Variants in RSRC1 observed in about 807,000 individuals in gnomAD.
RSRC1 encodes serine/Arginine-related protein 53.
RSRC1 carries 39 observed loss-of-function variants against 49.1 expected under a neutral mutation model. The ratio of observed to expected loss-of-function variants is 0.79; its 90% CI spans 0.61 to 1.04. The LOEUF is 1.04. Among genes scored for constraint, RSRC1 ranks in the 50% least tolerant of loss-of-function variants. The probability of loss-of-function intolerance (pLI) is 0.00; values close to 1 mark genes in which losing one functional copy is unlikely to be tolerated. For missense variants in RSRC1, 388 were observed against 402.4 expected (o/e 0.96, Z 0.31); for synonymous variants, 143 against 130.8 (o/e 1.09, Z -0.63).
chr3:158,281,273 G>C (rs1347809074), intron 4 of RSRC1, among the ~76,000 whole-genome samples: 1 of 151,918 alleles, frequency 6.6e-6, no homozygotes, highest in African/African-American at 2.4e-5. Flanking sequence ...TACTGAAAAG[G>C]ATCAGTTTTG....
chr3:158,112,043 G>C (rs1313775597), intron 1 of RSRC1, among the ~76,000 whole-genome samples: 1 of 152,132 alleles, frequency 6.6e-6, no homozygotes, highest in African/African-American at 2.4e-5. Context: ...GGGAGTTGTT[G>C]GGTGAGTTTT....
intron 3 of RSRC1, among the ~76,000 whole-genome samples, chr3:158,124,607 C>T (rs1385517746): frequency 3.3e-5 from 5 of 151,974 alleles, no homozygotes; most frequent in Admixed American, 6.6e-5. Flanking sequence ...GTTAGTTATA[C>T]GTCTGTTAAG....
chr3:158,303,643 G>T (rs1159199081), intron 5 of RSRC1: 1 of 152,134 alleles, frequency 6.6e-6, no homozygotes, highest in Non-Finnish European at 1.5e-5. Flanking sequence ...TGAAAGACAT[G>T]TGTCCAATGA....
intron 6 of RSRC1, among the ~76,000 whole-genome samples, chr3:158,423,860 T>C (rs979556495): frequency 0.01 from 1,557 of 151,362 alleles, 31 homozygotes; most frequent in African/African-American, 0.036. Flanking sequence ...AGTTCACTCA[T>C]GATTTGGCTC....
intron 4 of RSRC1, among the ~76,000 whole-genome samples, chr3:158,296,993 A>G (rs971372848): frequency 1.3e-5 from 2 of 152,096 alleles, no homozygotes; most frequent in Non-Finnish European, 2.9e-5. Flanking sequence ...TGGCAAAGAA[A>G]AAATAGAAGA....
chr3:158,207,094 T>C (rs1441046579), intron 4 of RSRC1, among the ~76,000 whole-genome samples: 1 of 152,164 alleles, frequency 6.6e-6, no homozygotes, highest in Non-Finnish European at 1.5e-5. Flanking sequence ...ACGGCAGAGT[T>C]AGGCTTCTAA....
At chr3:158,151,402 T>A (rs1186144790) in intron 3 of RSRC1, among the ~76,000 whole-genome samples, 1 of 152,140 alleles carries the variant, frequency 6.6e-6, no homozygotes, top group Non-Finnish European at 1.5e-5. Context: ...CTTTTGGGGA[T>A]ATGGAGGGCA....
intron 4 of RSRC1, among the ~76,000 whole-genome samples, chr3:158,250,428 A>C (rs545843264): frequency 6.6e-6 from 1 of 152,316 alleles, no homozygotes; most frequent in South Asian, 2.1e-4. Context: ...TTACACTTTC[A>C]CCAACAGTGT....
chr3:158,228,828 TGTGTATATATGTATATAAACACACATAC>T (rs1486558902), intron 4 of RSRC1, among the ~76,000 whole-genome samples: 1 of 139,822 alleles, frequency 7.2e-6, no homozygotes, highest in South Asian at 2.3e-4. Flanking sequence ...TAGACACACG[TGTGTATATATGTATATAAACACACATAC>T]GTGTATATAT....
chr3:158,342,196 G>A (rs1176899743), intron 5 of RSRC1, among the ~76,000 whole-genome samples: 1 of 152,156 alleles, frequency 6.6e-6, no homozygotes. Flanking sequence ...TGTTGGGAAG[G>A]CATGGTTGGC....
chr3:158,258,023 A>G (rs141433831), intron 4 of RSRC1, among the ~76,000 whole-genome samples: 175 of 152,056 alleles, frequency 1.2e-3, no homozygotes, highest in African/African-American at 3.4e-3. Flanking sequence ...GGTTGTTAGT[A>G]TTTTTGATAG....
chr3:158,465,990 T>C (rs1737870675), intron 7 of RSRC1, among the ~76,000 whole-genome samples: 1 of 152,184 alleles, frequency 6.6e-6, no homozygotes, highest in African/African-American at 2.4e-5. Flanking sequence ...ATCTGTCTTA[T>C]TTCCCTCAGC....
rs970080576 is a variant in RSRC1, at chr3:158,203,257, C to G, written c.494+12C>G. The G allele has an allele frequency of 1.3e-6, 2 of 1,562,478 alleles. No individual in the cohort carries two copies. Among genetic ancestry groups the G allele is most frequent in the African/African-American group, 2.7e-5 (2 of 73,770 alleles). ...AACATCAAACGTGGGTAAGTTGGAG[C>G]AAATCTTATCTGGTAAGGACTTGGT... is the stretch of plus-strand genomic sequence containing the variant. On this transcript the variant is annotated intron_variant, in intron 4 of 9. Coordinates refer to ENST00000611884, the MANE Select transcript of RSRC1 (RefSeq NM_001271838.2).
At chr3:158,364,677 G>A (rs1459288884) in intron 6 of RSRC1, among the ~76,000 whole-genome samples, 2 of 151,978 alleles carry the variant, frequency 1.3e-5, no homozygotes, top group Admixed American at 6.6e-5. Context: ...CAGTAAGTAT[G>A]AAAGACAATA....
chr3:158,245,638 T>A (rs1365009931), intron 4 of RSRC1, among the ~76,000 whole-genome samples: 3 of 152,170 alleles, frequency 2.0e-5, no homozygotes, highest in Non-Finnish European at 4.4e-5. Flanking sequence ...CTCCCATTAT[T>A]GTTGTGTGGG....
intron 3 of RSRC1, among the ~76,000 whole-genome samples, chr3:158,199,635 T>C (rs1420205525): frequency 6.6e-6 from 1 of 152,222 alleles, no homozygotes; most frequent in African/African-American, 2.4e-5. Context: ...TCTTTTCTAG[T>C]ATAAACATTT....
intron 7 of RSRC1, among the ~76,000 whole-genome samples, chr3:158,478,920 T>C (rs182567813): frequency 4.4e-5 from 6 of 137,594 alleles, no homozygotes; most frequent in Admixed American, 3.8e-4. Flanking sequence ...TATAGAAGGT[T>C]ATTAACTAAA....
intron 3 of RSRC1, among the ~76,000 whole-genome samples, chr3:158,154,179 T>C (rs1015630531): frequency 4.3e-5 from 4 of 94,024 alleles, no homozygotes; most frequent in South Asian, 3.9e-4. Flanking sequence ...GTAATAGCAT[T>C]GTGTTTAAAA....
At chr3:158,436,854 A>G (rs1331524564) in intron 6 of RSRC1, among the ~76,000 whole-genome samples, 1 of 151,934 alleles carries the variant, frequency 6.6e-6, no homozygotes, top group Non-Finnish European at 1.5e-5. Context: ...GTGGCTTATG[A>G]TGGAAGTATT....
Sources: allele counts gnomAD v4.1 joint callset (sites outside exome capture counted in the v4.1 genomes callset), GRCh38; gene constraint gnomAD v4.1.1; transcripts MANE v1.5; gene names NCBI Gene and HGNC (gene_info 2026-07-23, HGNC 2026-07-21).